Variants in FLVCR2 observed in about 807,000 individuals in gnomAD.
FLVCR2 encodes the protein FLVCR choline and putative heme transporter 2, also known as choline/ethanolamine transporter FLVCR2.
FLVCR2 carries 38 observed loss-of-function variants against 48.9 expected under a neutral mutation model. The ratio of observed to expected loss-of-function variants is 0.78; its 90% CI spans 0.60 to 1.02. The LOEUF is 1.02. Ranked by LOEUF, FLVCR2 falls within the 50% of genes least tolerant of loss-of-function variation. The probability of loss-of-function intolerance (pLI) is 0.00; values close to 1 mark genes in which losing one functional copy is unlikely to be tolerated. For missense variants in FLVCR2, 664 were observed against 663.3 expected, an observed-to-expected ratio of 1.00 and a Z score of -0.01; for synonymous variants, 255 against 257.0, an observed-to-expected ratio of 0.99 and a Z score of 0.07.
intron 1 of FLVCR2, among the ~76,000 whole-genome samples, chr14:75,590,390 A>AC (rs2140008291): frequency 6.6e-6 from 1 of 152,286 alleles, no homozygotes; most frequent in South Asian, 2.1e-4. Flanking sequence ...TCATATCCAA[A>AC]CCATAGTATT....
chr14:75,615,404 A>G (rs575326438), intron 1 of FLVCR2, among the ~76,000 whole-genome samples: 1 of 152,134 alleles, frequency 6.6e-6, no homozygotes. Flanking sequence ...GACTTCCCCA[A>G]ATAAACCAAG....
chr14:75,592,223 A>G (rs1381258726), intron 1 of FLVCR2, among the ~76,000 whole-genome samples: 3 of 152,012 alleles, frequency 2.0e-5, no homozygotes, highest in Admixed American at 2.0e-4. Context: ...CAATAGTACC[A>G]TGTGGACATG....
At chr14:75,643,267 C>T (rs952089584) in intron 9 of FLVCR2, among the ~76,000 whole-genome samples, 1 of 152,198 alleles carries the variant, frequency 6.6e-6, no homozygotes, top group Non-Finnish European at 1.5e-5. Context: ...TGAATTGTTA[C>T]AAATAATATT....
At chr14:75,584,036 G>A (rs1206035656) in intron 1 of FLVCR2, among the ~76,000 whole-genome samples, 1 of 152,198 alleles carries the variant, frequency 6.6e-6, no homozygotes, top group African/African-American at 2.4e-5. Flanking sequence ...ATGTGAGTCG[G>A]ACAGTCCGAC....
chr14:75,629,050 C>T (rs1348679992), intron 3 of FLVCR2, among the ~76,000 whole-genome samples: 2 of 152,124 alleles, frequency 1.3e-5, no homozygotes, highest in East Asian at 3.9e-4. Flanking sequence ...GTGGTTCTCC[C>T]AGCTGATGAG....
At chr14:75,617,839 C>G (rs943683570) in intron 1 of FLVCR2, among the ~76,000 whole-genome samples, 1 of 152,200 alleles carries the variant, frequency 6.6e-6, no homozygotes, top group East Asian at 1.9e-4. Flanking sequence ...AGGAACCCAA[C>G]CTCATGTAAG....
At chr14:75,581,055 A>G (rs56355089) in intron 1 of FLVCR2, among the ~76,000 whole-genome samples, 34,983 of 147,906 alleles carry the variant, frequency 0.24, 4,279 homozygotes, top group African/African-American at 0.33. Flanking sequence ...GAGCGGGATT[A>G]GGGGCAGCGT....
Position 75,578,881 on chromosome 14 carries a change from C to A in FLVCR2, c.-92C>A. On this transcript the variant is annotated 5_prime_UTR_variant, in exon 1 of 10. Coordinates refer to ENST00000238667, the MANE Select transcript of FLVCR2 (RefSeq NM_017791.3). The stretch of plus-strand genomic sequence containing the variant: ...GTTTCTTCTGGAATAGGCAAGTGTC[C>A]TTTCAACTCTAAGAGACCAGCAGAG... 8.2e-7 allele frequency: 1 copy of A among 1,223,234 alleles called. No individual in the cohort carries two copies. 75.8% of individuals were successfully genotyped at this position (1,223,234 alleles called of 1,614,324 possible).
At chr14:75,634,780 G>C in intron 4 of FLVCR2, 130 bp from the exon 5 acceptor site, 1 of 684,152 alleles carries the variant, frequency 1.5e-6, no homozygotes, top group South Asian at 1.6e-5. Context: ...ATCTTGTCCC[G>C]ATATGTTCTG....
At chr14:75,632,195 T>C (rs994560558) in intron 3 of FLVCR2, among the ~76,000 whole-genome samples, 3 of 152,316 alleles carry the variant, frequency 2.0e-5, no homozygotes, top group Non-Finnish European at 4.4e-5. Flanking sequence ...CAAATCCAGC[T>C]CCATCACTTA....
At chr14:75,638,116 A>T (rs182624310) in intron 5 of FLVCR2, among the ~76,000 whole-genome samples, 1 of 152,204 alleles carries the variant, frequency 6.6e-6, no homozygotes, top group Admixed American at 6.5e-5. Context: ...TGCTCTCTGG[A>T]GTGGAGTAGT....
intron 1 of FLVCR2, among the ~76,000 whole-genome samples, chr14:75,602,317 T>G (rs1169253498): frequency 6.6e-6 from 1 of 151,960 alleles, no homozygotes; most frequent in African/African-American, 2.4e-5. Context: ...CCAGCCCCCT[T>G]CTGAGGCTAC....
intron 5 of FLVCR2, among the ~76,000 whole-genome samples, chr14:75,635,277 A>G (rs938396255): frequency 1.3e-5 from 2 of 152,070 alleles, no homozygotes; most frequent in African/African-American, 2.4e-5. Flanking sequence ...CCCACTCTCT[A>G]AGTAGCTTTG....
At chr14:75,604,177 A>G (rs1283602191) in intron 1 of FLVCR2, 1 of 152,224 alleles carries the variant, frequency 6.6e-6, no homozygotes, top group Non-Finnish European at 1.5e-5. Context: ...ACTGTCGTCT[A>G]CGGCCATACC....
chr14:75,590,371 A>C (rs755257043), intron 1 of FLVCR2, among the ~76,000 whole-genome samples: 1 of 152,242 alleles, frequency 6.6e-6, no homozygotes, highest in African/African-American at 2.4e-5. Flanking sequence ...TCATAGGTAT[A>C]GACTCAAATC....
At chr14:75,645,033 GGTGTGTGTGTGTGT>G (rs71119379) in intron 9 of FLVCR2, among the ~76,000 whole-genome samples, 8 of 13,078 alleles carry the variant, frequency 6.1e-4, no homozygotes, top group South Asian at 8.3e-3. Flanking sequence ...AGGCGGGCGT[GGTGTGTGTGTGTGT>G]GTGTGTGTGT....
intron 1 of FLVCR2, among the ~76,000 whole-genome samples, chr14:75,612,292 A>T (rs960567026): frequency 9.2e-5 from 14 of 152,162 alleles, no homozygotes; most frequent in Admixed American, 9.2e-4. Context: ...AACCTCTTTC[A>T]CCCAAAGAAC....
intron 1 of FLVCR2, among the ~76,000 whole-genome samples, chr14:75,603,527 A>G (rs1188371070): frequency 6.6e-6 from 1 of 152,118 alleles, no homozygotes; most frequent in Non-Finnish European, 1.5e-5. Flanking sequence ...TGCATTTACC[A>G]TCTTTCAATT....
rs908694822 is a variant in FLVCR2 at position 75,591,989 on chromosome 14, TTTTTTG to T, written c.669+12365_669+12370del. 9.2e-5 allele frequency among the ~76,000 whole-genome samples: 14 copies of T among 151,762 alleles called. 1 individual carries two copies. The highest frequency in any genetic ancestry group is 2.9e-4 in the African/African-American group (12 of 41,274). ...CACTGCACCTGGTTAATTTTGTTTCTTTTTTGTTTTTGTTTTTGTTTTGTAGAGATG... is the reference window on the plus strand; with the variant it reads ...CACTGCACCTGGTTAATTTTGTTTCTTTTTTGTTTTTGTTTTGTAGAGATG... On this transcript the variant is annotated intron_variant, in intron 1 of 9. Transcript: ENST00000238667.
Sources: allele counts gnomAD v4.1 joint callset (sites outside exome capture counted in the v4.1 genomes callset), GRCh38; gene constraint gnomAD v4.1.1; transcripts MANE v1.5; gene names NCBI Gene and HGNC (gene_info 2026-07-23, HGNC 2026-07-21).